Variants in LIN52 observed in about 807,000 individuals in gnomAD.
The protein encoded by LIN52 is protein lin-52 homolog.
In LIN52, 4 loss-of-function variants were observed where a neutral mutation model predicts 18.5. The observed-to-expected ratio is 0.22, with a 90% CI of 0.11 to 0.49. The LOEUF (loss-of-function observed/expected upper bound fraction) is 0.49. LIN52 is among the 20% of genes least tolerant of loss of function. The probability of loss-of-function intolerance (pLI) is 0.97; values close to 1 mark genes in which losing one functional copy is unlikely to be tolerated. For synonymous variants in LIN52, 34 were observed against 45.5 expected, an observed-to-expected ratio of 0.75 and a Z score of 1.02; for missense variants, 102 against 139.5, an observed-to-expected ratio of 0.73 and a Z score of 1.35.
intron 4 of LIN52, 112 bp from the exon 5 acceptor site, chr14:74,101,043 T>C (rs186139881): frequency 5.1e-6 from 4 of 788,068 alleles, no homozygotes; most frequent in Admixed American, 4.7e-5. Context: ...TTTCTACTTA[T>C]TCAGTGGTAA....
At chr14:74,124,236 G>A (rs1311321539) in intron 5 of LIN52, among the ~76,000 whole-genome samples, 2 of 152,014 alleles carry the variant, frequency 1.3e-5, no homozygotes, top group Non-Finnish European at 2.9e-5. Flanking sequence ...TACCATCTAA[G>A]ATGTCAGACA....
At chr14:74,118,949 AC>A (rs2060980504) in intron 5 of LIN52, among the ~76,000 whole-genome samples, 1 of 151,838 alleles carries the variant, frequency 6.6e-6, no homozygotes, top group African/African-American at 2.4e-5. Flanking sequence ...TTTGTGTCTG[AC>A]TTTTGATCAG....
chr14:74,133,813 C>T (rs1180840011), intron 5 of LIN52, among the ~76,000 whole-genome samples: 1 of 152,194 alleles, frequency 6.6e-6, no homozygotes, highest in Non-Finnish European at 1.5e-5. Flanking sequence ...GGGACATCAC[C>T]TTTCCATTTA....
At chr14:74,160,458 A>G (rs531401116) in intron 5 of LIN52, among the ~76,000 whole-genome samples, 4 of 152,322 alleles carry the variant, frequency 2.6e-5, no homozygotes, top group African/African-American at 7.2e-5. Flanking sequence ...CCTAGATTTA[A>G]AAACCTTTAA....
At chr14:74,188,330 T>G (rs1270280603) in intron 5 of LIN52, among the ~76,000 whole-genome samples, 3 of 152,146 alleles carry the variant, frequency 2.0e-5, no homozygotes, top group African/African-American at 7.2e-5. Flanking sequence ...AAAGTGTTAT[T>G]GCGATGAAAA....
At chr14:74,146,544 C>G (rs2061153163) in intron 5 of LIN52, among the ~76,000 whole-genome samples, 1 of 152,062 alleles carries the variant, frequency 6.6e-6, no homozygotes, top group Admixed American at 6.6e-5. Context: ...ACTTTCATGC[C>G]TTCATAGTAG....
At chr14:74,115,618 A>AG (rs1397493922) in intron 5 of LIN52, among the ~76,000 whole-genome samples, 1 of 152,232 alleles carries the variant, frequency 6.6e-6, no homozygotes, top group East Asian at 1.9e-4. Context: ...TCCACTTTGA[A>AG]GGGATCATGG....
intron 5 of LIN52, among the ~76,000 whole-genome samples, chr14:74,105,449 G>A (rs1350502419): frequency 2.0e-5 from 3 of 152,080 alleles, no homozygotes; most frequent in East Asian, 1.9e-4. Context: ...CTTGACCATC[G>A]TGAATTTAGC....
At chr14:74,163,163 C>G (rs2061233353) in intron 5 of LIN52, among the ~76,000 whole-genome samples, 1 of 152,134 alleles carries the variant, frequency 6.6e-6, no homozygotes, top group South Asian at 2.1e-4. Flanking sequence ...CTCACTGCAG[C>G]CTCAACCTCC....
intron 5 of LIN52, among the ~76,000 whole-genome samples, chr14:74,193,813 CT>C (rs1185034307): frequency 6.6e-6 from 1 of 151,984 alleles, no homozygotes; most frequent in Non-Finnish European, 1.5e-5. Context: ...ACATTGTCTC[CT>C]TTGTTTCCTG....
At chr14:74,189,785 G>T (rs1012665215) in intron 5 of LIN52, among the ~76,000 whole-genome samples, 1 of 152,044 alleles carries the variant, frequency 6.6e-6, no homozygotes, top group Non-Finnish European at 1.5e-5. Flanking sequence ...AAATAAATCT[G>T]TTGGTTGGAT....
intron 5 of LIN52, among the ~76,000 whole-genome samples, chr14:74,155,734 C>T (rs1367390800): frequency 6.6e-6 from 1 of 152,202 alleles, no homozygotes; most frequent in Non-Finnish European, 1.5e-5. Flanking sequence ...TGCTATCTTC[C>T]TAGCAATAAT....
intron 5 of LIN52, among the ~76,000 whole-genome samples, chr14:74,180,974 G>A (rs1462647601): frequency 7.9e-5 from 12 of 151,672 alleles, no homozygotes; most frequent in Non-Finnish European, 1.2e-4. Flanking sequence ...GAGCATGGTG[G>A]TACGCACTTG....
At chr14:74,136,314 A>G (rs946989901) in intron 5 of LIN52, among the ~76,000 whole-genome samples, 1 of 152,178 alleles carries the variant, frequency 6.6e-6, no homozygotes, top group African/African-American at 2.4e-5. Flanking sequence ...CAAGTTAAGG[A>G]GTTTCACCTG....
chr14:74,091,599 T>C (rs912487592), intron 2 of LIN52, among the ~76,000 whole-genome samples: 1 of 151,192 alleles, frequency 6.6e-6, no homozygotes, highest in South Asian at 2.1e-4. Context: ...TGAAACCCTG[T>C]CTCTACTAAA....
At chr14:74,148,974 G>A (rs1037435896) in intron 5 of LIN52, among the ~76,000 whole-genome samples, 3 of 152,164 alleles carry the variant, frequency 2.0e-5, no homozygotes, top group Non-Finnish European at 4.4e-5. Context: ...GCTTTCCATG[G>A]TGAATGGATT....
At chr14:74,130,278 G>GTTTGTTTTT (rs1555382571) in intron 5 of LIN52, among the ~76,000 whole-genome samples, 12 of 64,842 alleles carry the variant, frequency 1.9e-4, no homozygotes, top group African/African-American at 6.9e-4. Context: ...GCATTTTTTG[G>GTTTGTTTTT]TTTTTTTTTT....
At chr14:74,151,803 A>G (rs975008194) in intron 5 of LIN52, among the ~76,000 whole-genome samples, 1 of 152,212 alleles carries the variant, frequency 6.6e-6, no homozygotes, top group African/African-American at 2.4e-5. Flanking sequence ...ACTACATGCA[A>G]GTCCTGACTT....
chr14:74,110,684 G>T (rs1218762298), intron 5 of LIN52, among the ~76,000 whole-genome samples: 1 of 149,658 alleles, frequency 6.7e-6, no homozygotes, highest in Non-Finnish European at 1.5e-5. Context: ...AAAAAAGGAG[G>T]CCAGGCATGG....
Sources: allele counts gnomAD v4.1 joint callset (sites outside exome capture counted in the v4.1 genomes callset), GRCh38; gene constraint gnomAD v4.1.1; transcripts MANE v1.5; gene names NCBI Gene and HGNC (gene_info 2026-07-23, HGNC 2026-07-21).